The following SRP54 variants were observed in gnomAD, a reference collection of about 807,000 sequenced individuals.
SRP54 encodes the protein signal recognition particle 54, also known as signal recognition particle subunit SRP54.
In SRP54, 10 loss-of-function variants were observed where a neutral mutation model predicts 64.8. The ratio of observed to expected loss-of-function variants is 0.15; its 90% CI spans 0.10 to 0.26. The LOEUF is 0.26. Among genes scored for constraint, SRP54 ranks in the 10% least tolerant of loss-of-function variants. The pLI is 1.00. For missense variants in SRP54, 325 were observed against 613.7 expected (o/e 0.53, Z 4.97); for synonymous variants, 193 against 185.6 (o/e 1.04, Z -0.32).
intron 11 of SRP54, among the ~76,000 whole-genome samples, chr14:35,016,102 C>A (rs2044434512): frequency 6.6e-6 from 1 of 152,128 alleles, no homozygotes; most frequent in Admixed American, 6.6e-5. Flanking sequence ...TAAATATCTC[C>A]ATTCCATCCC....
intron 7 of SRP54, among the ~76,000 whole-genome samples, chr14:35,009,623 A>G (rs929669808): frequency 6.6e-6 from 1 of 152,184 alleles, no homozygotes; most frequent in Non-Finnish European, 1.5e-5. Flanking sequence ...AAAAAGCCTT[A>G]AATGGTCATA....
At chr14:34,985,685 A>C (rs960537297) in intron 1 of SRP54, among the ~76,000 whole-genome samples, 26 of 152,192 alleles carry the variant, frequency 1.7e-4, no homozygotes, top group African/African-American at 6.3e-4. Flanking sequence ...CATGTTATTA[A>C]ATACTTAATA....
chr14:35,007,566 A>G (rs992535659), intron 5 of SRP54, among the ~76,000 whole-genome samples, 179 bp downstream of exon 5: 4 of 147,092 alleles, frequency 2.7e-5, no homozygotes, highest in Non-Finnish European at 4.5e-5. Context: ...TATAAAATAT[A>G]TTTACATAAA....
At chr14:35,021,842 C>G (rs1423332349) in intron 13 of SRP54, among the ~76,000 whole-genome samples, 4 of 152,074 alleles carry the variant, frequency 2.6e-5, no homozygotes, top group Non-Finnish European at 5.9e-5. Context: ...GCTAGATAAC[C>G]ATTTATTTGG....
intron 2 of SRP54, among the ~76,000 whole-genome samples, chr14:34,997,732 A>C (rs919337760): frequency 6.6e-6 from 1 of 152,244 alleles, no homozygotes; most frequent in African/African-American, 2.4e-5. Context: ...TAACAGAACC[A>C]AAGTCAGTTT....
At position 35,029,202 on chromosome 14, in the gene SRP54, G is replaced by C. The variant is rs1040540034; in HGVS notation, c.*50G>C. 1.4e-6 allele frequency: 2 copies of C among 1,468,650 alleles called. No individual in the cohort carries two copies. The highest frequency in any genetic ancestry group is 2.8e-5 in the African/African-American group (2 of 70,924). 91.0% of individuals were successfully genotyped at this position (1,468,650 alleles called of 1,614,324 possible). On this transcript the variant is annotated 3_prime_UTR_variant, in exon 16 of 16. Transcript: ENST00000216774. Reference sequence around the variant, plus strand: ...CTCAGTTGAATACCTAATTTGCTGAGACCTCAGCGTTTCCCTTCTTTTTGC... The same window carrying C: ...CTCAGTTGAATACCTAATTTGCTGACACCTCAGCGTTTCCCTTCTTTTTGC...
At chr14:35,024,662 CT>C (rs11325224) in intron 14 of SRP54, among the ~76,000 whole-genome samples, 50,143 of 144,574 alleles carry the variant, frequency 0.35, 8,942 homozygotes, top group East Asian at 0.69. Context: ...TTATTTTTTC[CT>C]TTTTTTTTTT....
intron 4 of SRP54, among the ~76,000 whole-genome samples, chr14:35,001,741 A>T (rs1369073780): frequency 6.6e-6 from 1 of 152,326 alleles, no homozygotes; most frequent in Non-Finnish European, 1.5e-5. Flanking sequence ...TCTTGCCTAG[A>T]TTATGAGCAA....
intron 5 of SRP54, among the ~76,000 whole-genome samples, 183 bp downstream of exon 5, chr14:35,007,570 A>G (rs1337828557): frequency 1.7e-5 from 2 of 116,604 alleles, no homozygotes; most frequent in African/African-American, 5.5e-5. Flanking sequence ...AAATATATTT[A>G]CATAAAATAT....
At chr14:35,004,578 T>C (rs1466291656) in intron 4 of SRP54, 1 of 152,216 alleles carries the variant, frequency 6.6e-6, no homozygotes, top group Non-Finnish European at 1.5e-5. Flanking sequence ...CAAACTACCA[T>C]GATTATAAAG....
chr14:35,008,751 T>A, intron 6 of SRP54, 23 bp from the exon 7 acceptor site: 1 of 1,605,238 alleles, frequency 6.2e-7, no homozygotes, highest in Non-Finnish European at 8.5e-7. Context: ...AGTTTGAGGA[T>A]TCATGAACTC....
chr14:34,987,839 C>G (rs2043922547), intron 1 of SRP54, among the ~76,000 whole-genome samples: 1 of 152,106 alleles, frequency 6.6e-6, no homozygotes, highest in African/African-American at 2.4e-5. Context: ...CTGTGTTTAA[C>G]AAAATATGGA....
rs373036614 is a variant in SRP54 at position 34,999,575 on chromosome 14, A to G, written c.96A>G (p.Leu32=). ...IINEEVLNAM[L]KEVCTALLEA... ...ATTTTCAGGTATTGAATGCTATGCT[A>G]AAAGAAGTCTGTACCGCTTTGTTGG... Residue 32 remains leucine, a synonymous_variant, in exon 3 of 16, where the codon CTA becomes CTG. Transcript: ENST00000216774. 6.2e-7 allele frequency: 1 copy of G among 1,612,554 alleles called. No homozygotes were observed.
chr14:34,995,461 A>G (rs1248994488), intron 1 of SRP54, among the ~76,000 whole-genome samples: 1 of 152,148 alleles, frequency 6.6e-6, no homozygotes, highest in Non-Finnish European at 1.5e-5. Flanking sequence ...GCAGTCAGAC[A>G]GGAGGAATTC....
intron 11 of SRP54, among the ~76,000 whole-genome samples, chr14:35,018,173 TATTA>T (rs765782316): frequency 2.0e-5 from 3 of 152,370 alleles, no homozygotes; most frequent in Non-Finnish European, 1.5e-5. Context: ...CATATTTTGA[TATTA>T]ATTCATGTAG....
At chr14:34,990,143 A>T (rs2043958255) in intron 1 of SRP54, among the ~76,000 whole-genome samples, 1 of 152,032 alleles carries the variant, frequency 6.6e-6, no homozygotes, top group Admixed American at 6.6e-5. Flanking sequence ...TCCTAGTCAG[A>T]CCCCAGTTAG....
At chr14:34,999,755 C>T (rs2044140722) in intron 3 of SRP54, 106 bp downstream of exon 3, 2 of 774,194 alleles carry the variant, frequency 2.6e-6, no homozygotes, top group South Asian at 1.7e-5. Context: ...TTCTGCTCTG[C>T]ACCACTGGAA....
chr14:35,004,231 G>A (rs978924171), intron 4 of SRP54, among the ~76,000 whole-genome samples: 2 of 152,114 alleles, frequency 1.3e-5, no homozygotes, highest in East Asian at 1.9e-4. Context: ...CCTAGGCCAC[G>A]AGAGCGAAAC....
At chr14:34,988,599 T>TATATATAACATATATATATAAC (rs1594976145) in intron 1 of SRP54, among the ~76,000 whole-genome samples, 5 of 103,530 alleles carry the variant, frequency 4.8e-5, no homozygotes, top group African/African-American at 1.6e-4. Flanking sequence ...ATATATAACA[T>TATATATAACATATATATATAAC]ATATATATAT....
Sources: allele counts gnomAD v4.1 joint callset (sites outside exome capture counted in the v4.1 genomes callset), GRCh38; gene constraint gnomAD v4.1.1; transcripts MANE v1.5; gene names NCBI Gene and HGNC (gene_info 2026-07-23, HGNC 2026-07-21).